GRB14: variants seen among roughly 807,000 people sequenced by gnomAD.
GRB14 encodes the protein growth factor receptor-bound protein 14.
In GRB14, 38 loss-of-function variants were observed where a neutral mutation model predicts 69.1. The observed-to-expected ratio is 0.55, with a 90% CI of 0.42 to 0.72. The LOEUF (loss-of-function observed/expected upper bound fraction) is 0.72, where lower values mean the gene tolerates loss of function less well. Ranked by LOEUF, GRB14 falls within the 30% of genes least tolerant of loss-of-function variation. The probability of loss-of-function intolerance (pLI) is 0.00; values close to 1 mark genes in which losing one functional copy is unlikely to be tolerated. For synonymous variants in GRB14, 247 were observed against 241.3 expected (o/e 1.02, Z -0.22); for missense variants, 666 against 666.1 (o/e 1.00, Z 0.00).
At chr2:164,586,219 G>C (rs557521994) in intron 2 of GRB14, among the ~76,000 whole-genome samples, 1 of 152,320 alleles carries the variant, frequency 6.6e-6, no homozygotes, top group South Asian at 2.1e-4. Flanking sequence ...GAAGCATAGA[G>C]TAACATATTT....
At chr2:164,612,673 A>T (rs1038408516) in intron 2 of GRB14, among the ~76,000 whole-genome samples, 4 of 151,976 alleles carry the variant, frequency 2.6e-5, no homozygotes, top group African/African-American at 7.3e-5. Context: ...TATCCATAAG[A>T]CTGCAGAAAT....
chr2:164,574,241 C>CT lies in GRB14; in HGVS notation c.325-26426dup, dbSNP rs769386864. 8.7e-3 allele frequency among the ~76,000 whole-genome samples: 1,197 copies of CT among 137,044 alleles called. 12 individuals carry two copies. The highest frequency in any genetic ancestry group is 0.017 in the African/African-American group (649 of 37,324). The allele number at this position is 137,044 out of a possible 152,430, so 89.9% of individuals were successfully genotyped here. A position where few individuals can be genotyped will look rare whatever the true frequency, so the allele number is the denominator to read the frequency against. On this transcript the variant is annotated intron_variant, in intron 2 of 13. Transcript: ENST00000263915. Reference sequence around the variant, plus strand: ...TAACCAAATTGAGAGGAAAAATTATCTTTTTTTTTTTTTTTTTTGAGACGG... The same window carrying CT: ...TAACCAAATTGAGAGGAAAAATTATCTTTTTTTTTTTTTTTTTTTGAGACGG...
intron 6 of GRB14, among the ~76,000 whole-genome samples, chr2:164,514,135 T>A (rs1430325344): frequency 5.9e-5 from 9 of 152,158 alleles, no homozygotes; most frequent in Non-Finnish European, 1.3e-4. Context: ...CCTCTAGGAA[T>A]TTACAATGTA....
At chr2:164,599,157 CTT>C (rs1689858048) in intron 2 of GRB14, among the ~76,000 whole-genome samples, 1 of 152,138 alleles carries the variant, frequency 6.6e-6, no homozygotes, top group African/African-American at 2.4e-5. Flanking sequence ...CTACACATGG[CTT>C]CTCCAGCACG....
In GRB14 at chr2:164,494,422, ATTAC is replaced by A; in HGVS notation, c.1476+5_1476+8del. The A allele has an allele frequency of 1.4e-6, 2 of 1,404,116 alleles. No individual in the cohort carries two copies. The highest frequency in any genetic ancestry group is 2.3e-5 in the East Asian group (1 of 43,862). 87.0% of individuals were successfully genotyped at this position (1,404,116 alleles called of 1,614,324 possible). On this transcript the variant is annotated splice_donor_5th_base_variant and intron_variant, in intron 13 of 13. Transcript: ENST00000263915. ...CTAATACACAAATGTGAAATCACGA[ATTAC>A]TTACTGGTATAATTTGAAAGTGCTT...
chr2:164,509,665 A>T (rs1418239600), intron 6 of GRB14, among the ~76,000 whole-genome samples: 1 of 152,088 alleles, frequency 6.6e-6, no homozygotes, highest in Admixed American at 6.6e-5. Flanking sequence ...GACCAGCAGC[A>T]TCAGTATCAC....
At chr2:164,528,347 A>G (rs1397905379) in intron 3 of GRB14, among the ~76,000 whole-genome samples, 1 of 152,074 alleles carries the variant, frequency 6.6e-6, no homozygotes, top group Non-Finnish European at 1.5e-5. Context: ...GGAAATTACC[A>G]ATGCAAAATA....
rs1231103677 is a variant in GRB14 at position 164,621,226 on chromosome 2, G to T, written c.84C>A (p.Gly28=). 8.0e-7 allele frequency: 1 copy of T among 1,255,412 alleles called. No individual in the cohort carries two copies. The highest frequency in any genetic ancestry group is 1.0e-6 in the Non-Finnish European group (1 of 997,798). 77.8% of individuals were successfully genotyped at this position (1,255,412 alleles called of 1,614,324 possible). A position where few individuals can be genotyped will look rare whatever the true frequency, so the allele number is the denominator to read the frequency against. Residue 28 remains glycine (G), a synonymous_variant, in exon 1 of 14, where the codon GGC becomes GGA. Coordinates refer to ENST00000263915, the MANE Select transcript of GRB14 (RefSeq NM_004490.3). The surrounding 1 kb of genome is among the most constrained non-coding windows in gnomAD (Gnocchi z 6.0). ...RDSPLAAQVC[G]AAQGRGDAHD... ...GGGCGTCGCCCCTCCCCTGGGCAGC[G>T]CCACACACCTGGGCGGCCAGCGGCG...
chr2:164,493,029 G>A lies in GRB14; in HGVS notation c.*7C>T. The stretch of plus-strand genomic sequence containing the variant: ...TTCAATAGTTTAATAAGTCACTTCT[G>A]GCTTGTCTAGAGAGCAATCCTAGCA... On this transcript the variant is annotated 3_prime_UTR_variant, in exon 14 of 14. Coordinates refer to ENST00000263915, the MANE Select transcript of GRB14 (RefSeq NM_004490.3). 1 of 1,608,214 alleles carries A rather than the reference G, an allele frequency of 6.2e-7. No individual in the cohort carries two copies. Among genetic ancestry groups the A allele is most frequent in the Non-Finnish European group, 8.5e-7 (1 of 1,177,154 alleles).
chr2:164,555,478 A>T (rs2105317464), intron 2 of GRB14, among the ~76,000 whole-genome samples: 1 of 152,288 alleles, frequency 6.6e-6, no homozygotes, highest in South Asian at 2.1e-4. Flanking sequence ...AAGAAAAAAA[A>T]GAGCAAAAGT....
rs1456110286 is a variant in GRB14 at position 164,539,347 on chromosome 2, C to T, written c.481+8313G>A. Among the ~76,000 whole-genome samples, 3 of 151,900 alleles carry T rather than the reference C, an allele frequency of 2.0e-5. No homozygotes were observed. In the East Asian group the frequency reaches 5.8e-4, roughly 30 times the overall value. Reference sequence around the variant, plus strand: ...AAAATTAGCCAGGCGTGATGGTGCACGCCTGAAATCCCAGCTACTCAGGAG... The same window carrying T: ...AAAATTAGCCAGGCGTGATGGTGCATGCCTGAAATCCCAGCTACTCAGGAG... On this transcript the variant is annotated intron_variant, in intron 3 of 13. Coordinates refer to ENST00000263915, the MANE Select transcript of GRB14 (RefSeq NM_004490.3).
In GRB14 at chr2:164,508,771, C is replaced by A. The variant is rs762151159; in HGVS notation, c.898G>T (p.Ala300Ser). The A allele has an allele frequency of 6.3e-7, 1 of 1,589,490 alleles. No individual in the cohort carries two copies. The highest frequency in any genetic ancestry group is 8.5e-7 in the Non-Finnish European group (1 of 1,171,620). Residue 300 changes from alanine to serine, a missense_variant, in exon 7 of 14, where the codon GCA (alanine) becomes TCA (serine). Transcript: ENST00000263915. ...VSLAGKKKHGAPTNYGFCFKP... is the reference protein window; with the variant it reads ...VSLAGKKKHGSPTNYGFCFKP... ...AAGCAGAATCCATAGTTAGTCGGTG[C>A]TCCATGTTTTTTTTTGCCTGCCAGT...
chr2:164,621,265 C>T lies in GRB14; in HGVS notation c.45G>A (p.Ala15=), dbSNP rs367859743. ...CGGCCAGCGGCGAATCCCGGGCAGC[C>T]GCCCTGCTCGCGGCGCTCTGCCCAT... ...LQDGQSAASR[A]AARDSPLAAQ... Residue 15 remains alanine, a synonymous_variant, in exon 1 of 14, where the codon GCG becomes GCA. Transcript: ENST00000263915. This position sits in a 1 kb window ranked among gnomAD's most constrained non-coding sequence, Gnocchi z 6.0. 8.6e-6 allele frequency: 11 copies of T among 1,282,012 alleles called. No individual in the cohort carries two copies. The highest frequency in any genetic ancestry group is 1.1e-5 in the Non-Finnish European group (11 of 1,013,892). The allele number at this position is 1,282,012 out of a possible 1,614,324, so 79.4% of individuals were successfully genotyped here.
At chr2:164,518,521 G>C (rs1435949492) in intron 6 of GRB14, among the ~76,000 whole-genome samples, 1 of 152,042 alleles carries the variant, frequency 6.6e-6, no homozygotes, top group Non-Finnish European at 1.5e-5. Context: ...ACAAAGATCA[G>C]AGAAGAACTA....
At chr2:164,502,763 T>C (rs944656355) in intron 8 of GRB14, among the ~76,000 whole-genome samples, 5 of 152,112 alleles carry the variant, frequency 3.3e-5, no homozygotes, top group African/African-American at 7.2e-5. Flanking sequence ...ACCTCTCTGA[T>C]GAATGACTAA....
At chr2:164,548,682 G>A (rs1377385472) in intron 2 of GRB14, among the ~76,000 whole-genome samples, 1 of 152,092 alleles carries the variant, frequency 6.6e-6, no homozygotes, top group African/African-American at 2.4e-5. Context: ...CACCAACAGT[G>A]TACTAGCATT....
At chr2:164,611,316 A>T (rs925338235) in intron 2 of GRB14, among the ~76,000 whole-genome samples, 1 of 152,136 alleles carries the variant, frequency 6.6e-6, no homozygotes. Context: ...GAGGCCATTT[A>T]TGGGGCTCCT....
intron 2 of GRB14, among the ~76,000 whole-genome samples, chr2:164,567,717 A>G (rs566817230): frequency 8.5e-5 from 13 of 152,310 alleles, no homozygotes; most frequent in African/African-American, 3.1e-4. Flanking sequence ...TAATAAATAA[A>G]ATATTTTCAT....
intron 3 of GRB14, among the ~76,000 whole-genome samples, chr2:164,527,592 T>C (rs1687815464): frequency 6.6e-6 from 1 of 151,976 alleles, no homozygotes; most frequent in Non-Finnish European, 1.5e-5. Flanking sequence ...CAGGTTCATG[T>C]GCATTTAAGA....
Sources: allele counts gnomAD v4.1 joint callset (sites outside exome capture counted in the v4.1 genomes callset), GRCh38; gene constraint gnomAD v4.1.1; non-coding constraint Gnocchi (gnomAD v3.1); transcripts MANE v1.5; gene names NCBI Gene and HGNC (gene_info 2026-07-23, HGNC 2026-07-21).